DNAJC12: variants seen among roughly 807,000 people sequenced by gnomAD.
DNAJC12 encodes the protein DnaJ heat shock protein family (Hsp40) member C12, also known as dnaJ homolog subfamily C member 12.
DNAJC12 carries 25 observed loss-of-function variants against 28.5 expected under a neutral mutation model. The observed-to-expected ratio is 0.88, with a 90% CI of 0.64 to 1.22. The LOEUF (loss-of-function observed/expected upper bound fraction) is 1.22. Ranked by LOEUF, DNAJC12 falls within the 50% of genes most tolerant of loss-of-function variation. The pLI, the probability that DNAJC12 is intolerant of heterozygous loss-of-function variation, is 0.00. For missense variants in DNAJC12, 222 were observed against 231.7 expected, an observed-to-expected ratio of 0.96 and a Z score of 0.27; for synonymous variants, 77 against 80.6, an observed-to-expected ratio of 0.95 and a Z score of 0.24.
chr10:67,816,206 T>A, intron 2 of DNAJC12: 1 of 397,348 alleles, frequency 2.5e-6, no homozygotes, highest in Non-Finnish European at 4.4e-6. Flanking sequence ...ACATTTTAAA[T>A]GTATGCCATT....
At chr10:67,830,594 C>G (rs945172442) in intron 1 of DNAJC12, among the ~76,000 whole-genome samples, 1 of 150,116 alleles carries the variant, frequency 6.7e-6, no homozygotes, top group Admixed American at 6.7e-5. Context: ...GGCGACAGAG[C>G]AAGACTCCGT....
At chr10:67,817,113 T>C (rs2131801955) in intron 2 of DNAJC12, among the ~76,000 whole-genome samples, 1 of 152,092 alleles carries the variant, frequency 6.6e-6, no homozygotes, top group Middle Eastern at 3.4e-3. Flanking sequence ...AACTATCCCA[T>C]CACGTTAAAT....
chr10:67,800,843 C>T (rs903024654), intron 4 of DNAJC12, among the ~76,000 whole-genome samples: 7 of 151,792 alleles, frequency 4.6e-5, no homozygotes, highest in African/African-American at 1.7e-4. Context: ...ACTTGGCAGG[C>T]TGAGGCAGGA....
At chr10:67,810,361 T>A (rs1047322519) in intron 3 of DNAJC12, among the ~76,000 whole-genome samples, 5 of 152,018 alleles carry the variant, frequency 3.3e-5, no homozygotes, top group Admixed American at 6.6e-5. Context: ...CTATTGAAAA[T>A]TTTTTGAAGT....
intron 1 of DNAJC12, among the ~76,000 whole-genome samples, chr10:67,827,282 G>A (rs957142354): frequency 1.3e-5 from 2 of 151,950 alleles, no homozygotes; most frequent in Non-Finnish European, 2.9e-5. Context: ...AGTTACTCAG[G>A]AGGCTGAGGC....
intron 2 of DNAJC12, among the ~76,000 whole-genome samples, chr10:67,821,281 C>A (rs185841021): frequency 5.7e-4 from 87 of 152,088 alleles, no homozygotes; most frequent in African/African-American, 2.0e-3. Context: ...CTTTGGGAGG[C>A]CAAGGCGGGC....
At chr10:67,799,724 A>C (rs1042157341) in intron 4 of DNAJC12, among the ~76,000 whole-genome samples, 2 of 152,066 alleles carry the variant, frequency 1.3e-5, no homozygotes, top group Non-Finnish European at 2.9e-5. Context: ...CTCTACTAAA[A>C]ATACAAAAAT....
At chr10:67,813,292 G>T (rs1841880630) in intron 2 of DNAJC12, among the ~76,000 whole-genome samples, 1 of 151,994 alleles carries the variant, frequency 6.6e-6, no homozygotes, top group Admixed American at 6.6e-5. Context: ...GAATCTGGGA[G>T]GTAGAGGTTG....
intron 1 of DNAJC12, among the ~76,000 whole-genome samples, chr10:67,824,308 T>C (rs890835672): frequency 2.0e-5 from 3 of 151,600 alleles, no homozygotes; most frequent in Admixed American, 2.0e-4. Flanking sequence ...ATATAAAATA[T>C]CCAAATTCTT....
chr10:67,817,046 CTT>C (rs879611173), intron 2 of DNAJC12, among the ~76,000 whole-genome samples: 1 of 145,552 alleles, frequency 6.9e-6, no homozygotes. Context: ...CTTAGATTTA[CTT>C]TTTTTTTTTT....
At chr10:67,834,114 C>A in intron 1 of DNAJC12, 3 of 450,710 alleles carry the variant, frequency 6.7e-6, no homozygotes, top group South Asian at 5.0e-5. Flanking sequence ...ATTTTAAGTT[C>A]ATTTTAGTTT....
chr10:67,813,972 T>G (rs984588951), intron 2 of DNAJC12, among the ~76,000 whole-genome samples: 1 of 151,898 alleles, frequency 6.6e-6, no homozygotes, highest in African/African-American at 2.4e-5. Flanking sequence ...CCAGTTGCCT[T>G]TTTTGCAGAA....
chr10:67,808,588 C>T (rs530525850), intron 3 of DNAJC12: 2 of 152,020 alleles, frequency 1.3e-5, no homozygotes, highest in African/African-American at 2.4e-5. Flanking sequence ...CAGGCACGTT[C>T]GCGAAGCATT....
intron 1 of DNAJC12, among the ~76,000 whole-genome samples, chr10:67,826,297 G>A (rs1842028815): frequency 6.6e-6 from 1 of 151,100 alleles, no homozygotes; most frequent in Non-Finnish European, 1.5e-5. Context: ...ACCACACCCA[G>A]CTAATTTTGC....
At chr10:67,811,239 G>C (rs1467338506) in intron 3 of DNAJC12, 5 of 1,113,618 alleles carry the variant, frequency 4.5e-6, no homozygotes, top group African/African-American at 1.6e-5. Flanking sequence ...ACATTTATTA[G>C]AGCTCATAAA....
At chr10:67,815,407 C>T (rs1841903027) in intron 2 of DNAJC12, among the ~76,000 whole-genome samples, 1 of 148,850 alleles carries the variant, frequency 6.7e-6, no homozygotes, top group South Asian at 2.1e-4. Flanking sequence ...ACTTGGGAGG[C>T]TGAGGCAGGA....
chr10:67,819,698 G>GAAA (rs1564863254), intron 2 of DNAJC12, among the ~76,000 whole-genome samples: 3,813 of 23,274 alleles, frequency 0.16, 789 homozygotes, highest in Middle Eastern at 0.31. Context: ...AAGAAAGAAA[G>GAAA]GAAGGAAGGA....
chr10:67,797,858 G>C (rs1216775960), intron 4 of DNAJC12, among the ~76,000 whole-genome samples: 1 of 151,968 alleles, frequency 6.6e-6, no homozygotes, highest in Admixed American at 6.6e-5. Context: ...GGCTAACACG[G>C]TGAAACCCCG....
At chr10:67,830,610 A>AAAATAAATAAATAAAT (rs71006172) in intron 1 of DNAJC12, among the ~76,000 whole-genome samples, 14 of 144,880 alleles carry the variant, frequency 9.7e-5, no homozygotes, top group African/African-American at 2.5e-4. Context: ...TCCGTCTCAA[A>AAAATAAATAAATAAAT]AAATAAATAA....
Sources: allele counts gnomAD v4.1 joint callset (sites outside exome capture counted in the v4.1 genomes callset), GRCh38; gene constraint gnomAD v4.1.1; transcripts MANE v1.5; gene names NCBI Gene and HGNC (gene_info 2026-07-23, HGNC 2026-07-21).